EYA2: variants seen among roughly 807,000 people sequenced by gnomAD.
EYA2 encodes the protein protein phosphatase EYA2.
A neutral mutation model predicts 69.2 loss-of-function variants in EYA2; 31 were observed. That is an observed-to-expected ratio of 0.45 (90% CI 0.34 to 0.60). The LOEUF (loss-of-function observed/expected upper bound fraction) is 0.60, where lower values mean the gene tolerates loss of function less well. EYA2 is among the 20% of genes least tolerant of loss of function. EYA2 has a pLI of 0.02. For synonymous variants in EYA2, 257 were observed against 279.4 expected, an observed-to-expected ratio of 0.92 and a Z score of 0.80; for missense variants, 622 against 701.2, an observed-to-expected ratio of 0.89 and a Z score of 1.28.
chr20:46,991,927 C>G (rs1342799627), intron 2 of EYA2, among the ~76,000 whole-genome samples: 1 of 143,250 alleles, frequency 7.0e-6, no homozygotes, highest in Non-Finnish European at 1.5e-5. Context: ...GAGATCGTAC[C>G]ATTGCACTCC....
At position 47,047,067 on chromosome 20, in the gene EYA2, C is replaced by T. The variant is rs1436825024; in HGVS notation, c.416-25118C>T. On this transcript the variant is annotated intron_variant, in intron 5 of 15. Transcript: ENST00000327619. ...TCTAAAATGTATCGTGTACATTTCTCAAAGAATGATTTTTTTTCTCTTTTC... is the reference window on the plus strand; with the variant it reads ...TCTAAAATGTATCGTGTACATTTCTTAAAGAATGATTTTTTTTCTCTTTTC... Among the ~76,000 whole-genome samples, 4 of 152,172 alleles carry T rather than the reference C, an allele frequency of 2.6e-5. No individual in the cohort carries two copies. In the East Asian group the frequency reaches 7.7e-4, roughly 29 times the overall value.
chr20:47,027,697 A>G (rs1984177559), intron 5 of EYA2, among the ~76,000 whole-genome samples: 1 of 152,142 alleles, frequency 6.6e-6, no homozygotes, highest in South Asian at 2.1e-4. Context: ...TTCAACAGCA[A>G]TTTGCTAAGG....
chr20:47,155,992 T>C (rs1014074963), intron 10 of EYA2, among the ~76,000 whole-genome samples: 2 of 147,198 alleles, frequency 1.4e-5, no homozygotes, highest in Non-Finnish European at 3.0e-5. Context: ...GCCCAGCCAA[T>C]GTGGCGAAAT....
intron 2 of EYA2, among the ~76,000 whole-genome samples, chr20:46,990,482 T>C (rs980241605): frequency 6.6e-6 from 1 of 152,244 alleles, no homozygotes; most frequent in Non-Finnish European, 1.5e-5. Flanking sequence ...TCTACTCTGC[T>C]CTGCCATCCC....
At chr20:46,939,391 AT>A (rs149251854) in intron 1 of EYA2, among the ~76,000 whole-genome samples, 1,650 of 152,270 alleles carry the variant, frequency 0.011, 36 homozygotes, top group African/African-American at 0.038. Flanking sequence ...AACCTGAGTG[AT>A]AGAGATGGGG....
At position 47,039,683 on chromosome 20, in the gene EYA2, G is replaced by A. The variant is rs150996694; in HGVS notation, c.415+23386G>A. 3.5e-3 allele frequency among the ~76,000 whole-genome samples: 530 copies of A among 152,180 alleles called. 2 individuals are homozygous for A. The highest frequency in any genetic ancestry group is 5.4e-3 in the Non-Finnish European group (365 of 68,008). Reference sequence around the variant, plus strand: ...CTCTTTTTTCTATTCCTGAGGCGGGGCATCTTGTAGTGATAAAAGACACAG... The same window carrying A: ...CTCTTTTTTCTATTCCTGAGGCGGGACATCTTGTAGTGATAAAAGACACAG... On this transcript the variant is annotated intron_variant, in intron 5 of 15. Coordinates refer to ENST00000327619, the MANE Select transcript of EYA2 (RefSeq NM_005244.5).
At chr20:47,144,977 G>A (rs927557010) in intron 10 of EYA2, among the ~76,000 whole-genome samples, 10 of 152,116 alleles carry the variant, frequency 6.6e-5, no homozygotes, top group Non-Finnish European at 7.4e-5. Flanking sequence ...AACCCAACTC[G>A]TTTTAACCAA....
chr20:47,090,794 G>T (rs873302), intron 8 of EYA2, among the ~76,000 whole-genome samples: 136,414 of 152,240 alleles, frequency 0.9, 62,288 homozygotes, highest in East Asian at 0.99. Flanking sequence ...AAGTGTAGTA[G>T]TATTGGCCAG....
intron 1 of EYA2, among the ~76,000 whole-genome samples, chr20:46,907,199 C>T (rs570713329): frequency 2.6e-5 from 4 of 152,174 alleles, no homozygotes; most frequent in Non-Finnish European, 4.4e-5. Flanking sequence ...TCCTACAGGG[C>T]ACAAATGCAG....
intron 9 of EYA2, chr20:47,117,571 A>G: frequency 1.0e-6 from 1 of 985,332 alleles, no homozygotes; most frequent in East Asian, 1.1e-4. Context: ...ACAGGACTGT[A>G]GGGATTCAAT....
intron 5 of EYA2, among the ~76,000 whole-genome samples, chr20:47,039,965 C>G (rs4810597): frequency 1.3e-5 from 2 of 150,528 alleles, no homozygotes; most frequent in Admixed American, 1.3e-4. Context: ...CTCAGCCTCC[C>G]GAGTAGCTGG....
intron 5 of EYA2, among the ~76,000 whole-genome samples, chr20:47,022,069 A>G (rs1006148912): frequency 1.3e-5 from 2 of 152,192 alleles, no homozygotes; most frequent in Non-Finnish European, 2.9e-5. Context: ...TAAAATAGAC[A>G]TCTTTGCTAC....
At chr20:47,133,366 T>A (rs1194694004) in intron 9 of EYA2, among the ~76,000 whole-genome samples, 2 of 152,200 alleles carry the variant, frequency 1.3e-5, no homozygotes, top group Non-Finnish European at 2.9e-5. Flanking sequence ...GGATGGGTTA[T>A]GAGATCACCC....
chr20:46,969,217 TG>T (rs1979979009), intron 1 of EYA2, among the ~76,000 whole-genome samples: 1 of 149,554 alleles, frequency 6.7e-6, no homozygotes, highest in African/African-American at 2.6e-5. Flanking sequence ...GTTTTGTTTT[TG>T]GTTTTTTTTT....
At chr20:47,024,171 TG>T (rs561797414) in intron 5 of EYA2, among the ~76,000 whole-genome samples, 6 of 152,222 alleles carry the variant, frequency 3.9e-5, no homozygotes, top group Non-Finnish European at 8.8e-5. Flanking sequence ...AATTTTACCT[TG>T]TCAGATGCTG....
chr20:46,984,628 C>T (rs1568703645), intron 1 of EYA2, among the ~76,000 whole-genome samples: 1 of 152,140 alleles, frequency 6.6e-6, no homozygotes, highest in Admixed American at 6.5e-5. Flanking sequence ...TTATGTACTT[C>T]TGGTGGAATC....
chr20:47,184,177 A>G (rs1382371389), intron 15 of EYA2, among the ~76,000 whole-genome samples: 2 of 152,082 alleles, frequency 1.3e-5, no homozygotes, highest in African/African-American at 4.8e-5. Context: ...TGTAGTCTCT[A>G]TTATCCGCCG....
At chr20:47,163,937 C>T (rs1255342562) in intron 10 of EYA2, among the ~76,000 whole-genome samples, 2 of 152,066 alleles carry the variant, frequency 1.3e-5, no homozygotes, top group East Asian at 1.9e-4. Context: ...CGGTCCTCAG[C>T]CCCACTGCAC....
chr20:47,079,302 G>A (rs1047616036), intron 7 of EYA2, among the ~76,000 whole-genome samples: 1 of 152,186 alleles, frequency 6.6e-6, no homozygotes, highest in Non-Finnish European at 1.5e-5. Context: ...AGTTCTGGAG[G>A]TAAGAAATGC....
Sources: allele counts gnomAD v4.1 joint callset (sites outside exome capture counted in the v4.1 genomes callset), GRCh38; gene constraint gnomAD v4.1.1; transcripts MANE v1.5; gene names NCBI Gene and HGNC (gene_info 2026-07-23, HGNC 2026-07-21).